CCSER1: variants seen among roughly 807,000 people sequenced by gnomAD.
CCSER1 encodes the protein serine-rich coiled-coil domain-containing protein 1.
In CCSER1, 41 loss-of-function variants were observed where a neutral mutation model predicts 82.0. That is an observed-to-expected ratio of 0.50 (90% confidence interval 0.39 to 0.65). The LOEUF is 0.65. Ranked by LOEUF, CCSER1 falls within the 30% of genes least tolerant of loss-of-function variation. The pLI is 0.00. For synonymous variants in CCSER1, 414 were observed against 383.9 expected, an observed-to-expected ratio of 1.08 and a Z score of -0.92; for missense variants, 1,119 against 1,064.2, an observed-to-expected ratio of 1.05 and a Z score of -0.72.
chr4:90,840,731 G>A (rs1028092195), intron 8 of CCSER1, among the ~76,000 whole-genome samples: 2 of 151,930 alleles, frequency 1.3e-5, no homozygotes, highest in Non-Finnish European at 2.9e-5. Flanking sequence ...CCTCATCCAT[G>A]AAAGCTGTAA....
intron 10 of CCSER1, among the ~76,000 whole-genome samples, chr4:91,584,623 G>GA (rs1292068756): frequency 2.0e-5 from 3 of 151,196 alleles, no homozygotes; most frequent in African/African-American, 7.3e-5. Context: ...TAAATCCTGT[G>GA]AAAAAAATTA....
intron 10 of CCSER1, among the ~76,000 whole-genome samples, chr4:91,357,886 C>CTTT (rs1560609562): frequency 1.0e-4 from 7 of 67,568 alleles, no homozygotes; most frequent in African/African-American, 3.4e-4. Flanking sequence ...GCCCCCCCCC[C>CTTT]CTTTTTTTTT....
At chr4:90,306,534 A>G (rs1257477416) in intron 1 of CCSER1, among the ~76,000 whole-genome samples, 1 of 152,198 alleles carries the variant, frequency 6.6e-6, no homozygotes, top group Non-Finnish European at 1.5e-5. Flanking sequence ...ATCCATCAAA[A>G]ATCTTATAAT....
chr4:91,369,445 G>A (rs781443153), intron 10 of CCSER1, among the ~76,000 whole-genome samples: 5 of 152,078 alleles, frequency 3.3e-5, no homozygotes, highest in African/African-American at 4.8e-5. Context: ...GAATTTTTGA[G>A]CAATTCTTGT....
At chr4:90,135,218 G>A (rs550849815) in intron 1 of CCSER1, among the ~76,000 whole-genome samples, 2 of 151,906 alleles carry the variant, frequency 1.3e-5, no homozygotes, top group African/African-American at 2.4e-5. Flanking sequence ...ACATTACAAC[G>A]TATTTCTAGT....
rs561388067 is a variant in CCSER1 at position 91,289,157 on chromosome 4, G to A, written c.2217+203163G>A. Among the ~76,000 whole-genome samples, 64 of 152,016 alleles carry A rather than the reference G, an allele frequency of 4.2e-4. No homozygotes were observed. The South Asian group carries it at 0.013, about 31-fold the overall frequency. On this transcript the variant is annotated intron_variant, in intron 10 of 10. Transcript: ENST00000509176. ...AAATTTAAGCTTGGGGGTAACCATA[G>A]CAACAATAACAAACCCAGCTCAACA... is the stretch of plus-strand genomic sequence containing the variant.
intron 10 of CCSER1, among the ~76,000 whole-genome samples, chr4:91,166,061 G>C (rs1487913914): frequency 1.3e-5 from 2 of 152,174 alleles, no homozygotes; most frequent in African/African-American, 2.4e-5. Context: ...TGGCCATCTT[G>C]AAATGGAATG....
rs1304874110 is a variant in CCSER1, at chr4:90,932,942, GAA to G, written c.2172+9497_2172+9498del. On this transcript the variant is annotated intron_variant, in intron 9 of 10. Coordinates refer to ENST00000509176, the MANE Select transcript of CCSER1 (RefSeq NM_001145065.2). Reference sequence around the variant, plus strand: ...AGAAAGAAAGAAAGAAAGAAAGAAAGAAAGAAAGAAAGAAAGAAAGAAAGAAA... The same window carrying G: ...AGAAAGAAAGAAAGAAAGAAAGAAAGAGAAAGAAAGAAAGAAAGAAAGAAA... Among the ~76,000 whole-genome samples, 6 of 29,672 alleles carry G rather than the reference GAA, an allele frequency of 2.0e-4. 2 individuals are homozygous for G. The highest frequency in any genetic ancestry group is 1.6e-3 in the African/African-American group (6 of 3,818). The allele number at this position is 29,672 out of a possible 152,430, so 19.5% of individuals were successfully genotyped here. A position where few individuals can be genotyped will look rare whatever the true frequency, so the allele number is the denominator to read the frequency against.
intron 8 of CCSER1, among the ~76,000 whole-genome samples, chr4:90,883,862 A>G (rs1721712780): frequency 6.6e-6 from 1 of 152,180 alleles, no homozygotes. Flanking sequence ...TATAAGGACA[A>G]TTGGAGAGAA....
At chr4:91,055,925 T>C (rs1743405363) in intron 9 of CCSER1, among the ~76,000 whole-genome samples, 1 of 152,052 alleles carries the variant, frequency 6.6e-6, no homozygotes, top group Non-Finnish European at 1.5e-5. Flanking sequence ...ATTTCAATGG[T>C]CCTGTCTTCA....
rs139135347 is a variant in CCSER1, at chr4:91,253,959, A to T, written c.2217+167965A>T. Among the ~76,000 whole-genome samples the T allele has an allele frequency of 3.3e-5, 5 of 152,262 alleles. No individual in the cohort carries two copies. The East Asian group carries it at 9.7e-4, about 29-fold the overall frequency. ...GACGGTGCTAAACCATTTGTGAGAA[A>T]CTGCCCCCATGATCCAATCACCTCC... On this transcript the variant is annotated intron_variant, in intron 10 of 10. Coordinates refer to ENST00000509176, the MANE Select transcript of CCSER1 (RefSeq NM_001145065.2).
chr4:90,943,470 A>T (rs1017325223), intron 9 of CCSER1, among the ~76,000 whole-genome samples: 26 of 152,286 alleles, frequency 1.7e-4, no homozygotes, highest in African/African-American at 5.5e-4. Context: ...AAACTACCTG[A>T]TCCATTTCAG....
intron 9 of CCSER1, among the ~76,000 whole-genome samples, chr4:90,936,563 G>A (rs1730959563): frequency 6.6e-6 from 1 of 151,952 alleles, no homozygotes; most frequent in East Asian, 1.9e-4. Context: ...TTCATTACAT[G>A]TGTGTCTCTG....
At chr4:91,313,325 G>A (rs565600119) in intron 10 of CCSER1, among the ~76,000 whole-genome samples, 1 of 151,716 alleles carries the variant, frequency 6.6e-6, no homozygotes, top group African/African-American at 2.4e-5. Flanking sequence ...CTTTTTGAAA[G>A]GCTTTTCACC....
intron 9 of CCSER1, among the ~76,000 whole-genome samples, chr4:91,062,105 A>T (rs1744005241): frequency 6.6e-6 from 1 of 152,030 alleles, no homozygotes; most frequent in African/African-American, 2.4e-5. Context: ...TTTACTCATT[A>T]AAAAAACAAG....
chr4:90,427,294 A>T (rs897158156), intron 4 of CCSER1, among the ~76,000 whole-genome samples: 6 of 151,958 alleles, frequency 3.9e-5, no homozygotes, highest in African/African-American at 1.4e-4. Context: ...AAGAAGAGAC[A>T]TTAGATATAT....
At chr4:90,319,430 T>G (rs1045524272) in intron 3 of CCSER1, among the ~76,000 whole-genome samples, 4 of 151,852 alleles carry the variant, frequency 2.6e-5, no homozygotes, top group Non-Finnish European at 5.9e-5. Context: ...GGTGGGCGGG[T>G]CATGAGGTTA....
intron 8 of CCSER1, among the ~76,000 whole-genome samples, chr4:90,901,055 TA>T (rs960618628): frequency 1.3e-5 from 2 of 151,954 alleles, no homozygotes; most frequent in Admixed American, 1.3e-4. Context: ...TGACTTTTTT[TA>T]AAAAAACTGT....
intron 10 of CCSER1, among the ~76,000 whole-genome samples, chr4:91,433,059 T>C (rs923206900): frequency 6.6e-6 from 1 of 152,176 alleles, no homozygotes; most frequent in Non-Finnish European, 1.5e-5. Context: ...AAATAAGTGA[T>C]ATAATAATAT....
Sources: gnomAD v4.1 joint callset for allele counts (sites outside exome capture counted in the v4.1 genomes callset) on GRCh38, gnomAD v4.1.1 for gene constraint, MANE v1.5 for transcripts, NCBI Gene and HGNC (gene_info 2026-07-23, HGNC 2026-07-21) for gene names.